ASAP1: variants seen among roughly 807,000 people sequenced by gnomAD.
ASAP1 encodes arf-GAP with SH3 domain, ANK repeat and PH domain-containing protein 1.
In ASAP1, 43 loss-of-function variants were observed where a neutral mutation model predicts 145.2. The ratio of observed to expected loss-of-function variants is 0.30; its 90% CI spans 0.23 to 0.38. The LOEUF is 0.38. Ranked by LOEUF, ASAP1 falls within the 10% of genes least tolerant of loss-of-function variation. The pLI is 1.00. For missense variants in ASAP1, 1,018 were observed against 1,355.3 expected (o/e 0.75, Z 3.91); for synonymous variants, 546 against 515.5 (o/e 1.06, Z -0.80).
chr8:130,184,950 A>C (rs967824726), intron 7 of ASAP1, among the ~76,000 whole-genome samples: 3 of 152,208 alleles, frequency 2.0e-5, no homozygotes, highest in African/African-American at 7.2e-5. Flanking sequence ...AAAACTGGTA[A>C]TGATTTCTAA....
At chr8:130,303,897 G>A (rs1266849103) in intron 3 of ASAP1, among the ~76,000 whole-genome samples, 1 of 152,096 alleles carries the variant, frequency 6.6e-6, no homozygotes, top group Non-Finnish European at 1.5e-5. Flanking sequence ...AACATAGAGT[G>A]AACTACACTA....
At chr8:130,300,153 C>CAGAGAGAGAGAG (rs369720584) in intron 3 of ASAP1, among the ~76,000 whole-genome samples, 1,181 of 76,800 alleles carry the variant, frequency 0.015, 51 homozygotes, top group Admixed American at 0.034. Flanking sequence ...CACACACACA[C>CAGAGAGAGAGAG]AGAGAGAGAG....
chr8:130,375,725 T>C (rs376556009), intron 2 of ASAP1, among the ~76,000 whole-genome samples: 1 of 152,162 alleles, frequency 6.6e-6, no homozygotes, highest in Non-Finnish European at 1.5e-5. Context: ...TTTTTTTAAA[T>C]CTCCTTTAAT....
Position 130,128,139 on chromosome 8 carries a change from ATTTTTTTTTTTTTT to A in ASAP1, c.1218-63_1218-50del, listed in dbSNP as rs745416119. Reference sequence around the variant, plus strand: ...AAAAAGTCTTTATAAGAGCATGGTCATTTTTTTTTTTTTTTTTTTTTTTTTGCCACTGCAAAAAA... The same window carrying A: ...AAAAAGTCTTTATAAGAGCATGGTCATTTTTTTTTTTGCCACTGCAAAAAA... On this transcript the variant is annotated intron_variant, in intron 15 of 29. Transcript: ENST00000518721. 27 of 179,504 alleles carry A rather than the reference ATTTTTTTTTTTTTT, an allele frequency of 1.5e-4. No homozygotes were observed. The South Asian group carries it at 5.7e-3, about 38-fold the overall frequency. 11.1% of individuals were successfully genotyped at this position (179,504 alleles called of 1,614,324 possible).
intron 3 of ASAP1, among the ~76,000 whole-genome samples, chr8:130,286,371 A>T (rs530400658): frequency 3.9e-4 from 58 of 147,904 alleles, no homozygotes; most frequent in African/African-American, 1.4e-3. Context: ...TGCGTATATG[A>T]CATTCTACTT....
At chr8:130,141,565 C>T (rs2097611420) in intron 13 of ASAP1, among the ~76,000 whole-genome samples, 1 of 152,156 alleles carries the variant, frequency 6.6e-6, no homozygotes, top group African/African-American at 2.4e-5. Flanking sequence ...AGGACACACA[C>T]ATTTTTCTCA....
intron 3 of ASAP1, among the ~76,000 whole-genome samples, chr8:130,325,393 C>T (rs1488941963): frequency 6.6e-6 from 1 of 152,174 alleles, no homozygotes; most frequent in Non-Finnish European, 1.5e-5. Context: ...ACTATGCTTG[C>T]CTCGTGTGAA....
intron 2 of ASAP1, among the ~76,000 whole-genome samples, chr8:130,359,588 C>A (rs1302460775): frequency 1.3e-5 from 2 of 151,788 alleles, no homozygotes; most frequent in African/African-American, 2.4e-5. Flanking sequence ...ACCCCTCACC[C>A]CCGGGATTGG....
intron 3 of ASAP1, among the ~76,000 whole-genome samples, chr8:130,312,210 G>A (rs1409509916): frequency 6.6e-6 from 1 of 151,494 alleles, no homozygotes; most frequent in Non-Finnish European, 1.5e-5. Flanking sequence ...CTGGGAGGTC[G>A]ACGCTGTAGT....
intron 3 of ASAP1, among the ~76,000 whole-genome samples, chr8:130,310,596 A>G (rs573007560): frequency 1.0e-3 from 159 of 152,286 alleles, no homozygotes; most frequent in Non-Finnish European, 1.6e-3. Context: ...ACTAAACCAC[A>G]AAGTCCTGCT....
In ASAP1 at chr8:130,116,750, A is replaced by G; in HGVS notation, c.1997-5T>C. 1 of 1,613,752 alleles carries G rather than the reference A, an allele frequency of 6.2e-7. No homozygotes were observed. The highest frequency in any genetic ancestry group is 8.5e-7 in the Non-Finnish European group (1 of 1,179,704). ...CAGTTTCTCCAGCCTGGTTAACTGA[A>G]ATAGGAAAAAAATTAATTTGCATAA... On this transcript the variant is annotated splice_polypyrimidine_tract_variant and splice_region_variant and intron_variant, in intron 21 of 29. Coordinates refer to ENST00000518721, the MANE Select transcript of ASAP1 (RefSeq NM_018482.4).
chr8:130,091,050 G>C (rs1313403110), intron 25 of ASAP1, among the ~76,000 whole-genome samples: 1 of 152,206 alleles, frequency 6.6e-6, no homozygotes, highest in Non-Finnish European at 1.5e-5. Flanking sequence ...TAGTAGTAAA[G>C]ATGGGAATTA....
chr8:130,278,800 G>A (rs1410647773), intron 3 of ASAP1, among the ~76,000 whole-genome samples: 2 of 152,114 alleles, frequency 1.3e-5, no homozygotes, highest in Non-Finnish European at 2.9e-5. Context: ...TCTACTCACC[G>A]TACCCAGTAA....
chr8:130,190,375 T>C (rs1372374043), intron 5 of ASAP1, among the ~76,000 whole-genome samples: 1 of 152,152 alleles, frequency 6.6e-6, no homozygotes, highest in Non-Finnish European at 1.5e-5. Context: ...AATATGGATA[T>C]CCAATTTTCC....
At chr8:130,416,340 G>A (rs1316031153) in intron 1 of ASAP1, among the ~76,000 whole-genome samples, 4 of 152,218 alleles carry the variant, frequency 2.6e-5, no homozygotes, top group Non-Finnish European at 4.4e-5. Context: ...ACAAGACGCC[G>A]CAGCTAGCAC....
intron 5 of ASAP1, among the ~76,000 whole-genome samples, chr8:130,196,711 A>G (rs150511543): frequency 2.0e-5 from 3 of 152,276 alleles, no homozygotes; most frequent in Admixed American, 2.0e-4. Flanking sequence ...TCTCTCCATA[A>G]CTGAAACAGT....
intron 11 of ASAP1, among the ~76,000 whole-genome samples, chr8:130,162,058 C>T (rs1192139887): frequency 6.6e-6 from 1 of 152,174 alleles, no homozygotes; most frequent in Non-Finnish European, 1.5e-5. Flanking sequence ...CTTTGGCCTT[C>T]CGAGGTGCTG....
At chr8:130,155,815 C>A (rs1157594342) in intron 12 of ASAP1, among the ~76,000 whole-genome samples, 1 of 152,240 alleles carries the variant, frequency 6.6e-6, no homozygotes, top group Admixed American at 6.5e-5. Context: ...CTGGTGCTCA[C>A]AGAGAGTGCC....
At chr8:130,078,260 G>T (rs2097468958) in intron 26 of ASAP1, among the ~76,000 whole-genome samples, 1 of 152,106 alleles carries the variant, frequency 6.6e-6, no homozygotes, top group African/African-American at 2.4e-5. Flanking sequence ...AAAGTGCTGG[G>T]ATTGGTTCTC....
Sources: allele counts gnomAD v4.1 joint callset (sites outside exome capture counted in the v4.1 genomes callset), GRCh38; gene constraint gnomAD v4.1.1; transcripts MANE v1.5; gene names NCBI Gene and HGNC (gene_info 2026-07-23, HGNC 2026-07-21).